The following ICAM2 variants were observed in gnomAD, a reference collection of about 807,000 sequenced individuals.
ICAM2 encodes the protein intercellular adhesion molecule 2.
A neutral mutation model predicts 19.1 loss-of-function variants in ICAM2; 14 were observed. That is an observed-to-expected ratio of 0.73 (90% CI 0.48 to 1.15). The LOEUF (loss-of-function observed/expected upper bound fraction) is 1.15. ICAM2 is among the 50% of genes most tolerant of loss of function. The pLI is 0.00. For synonymous variants in ICAM2, 153 were observed against 152.7 expected, an observed-to-expected ratio of 1.00 and a Z score of -0.01; for missense variants, 311 against 355.4, an observed-to-expected ratio of 0.88 and a Z score of 1.00.
intron 1 of ICAM2, 140 bp from the exon 2 acceptor site, chr17:64,006,875 C>T (rs1911237944): frequency 3.3e-6 from 2 of 608,410 alleles, no homozygotes; most frequent in Non-Finnish European, 5.9e-6. Flanking sequence ...GACCCCAGGC[C>T]TCTAAGAATC....
intron 1 of ICAM2, among the ~76,000 whole-genome samples, chr17:64,011,320 G>A (rs1466881290): frequency 2.6e-5 from 4 of 152,106 alleles, no homozygotes. Context: ...AAAGTAGCTG[G>A]GCGTAGTGGC....
chr17:64,013,565 A>G (rs924053481), intron 1 of ICAM2, among the ~76,000 whole-genome samples: 2 of 152,192 alleles, frequency 1.3e-5, no homozygotes, highest in Non-Finnish European at 2.9e-5. Flanking sequence ...TTTACAAGAG[A>G]CATACTTCAT....
Position 64,006,583 on chromosome 17 carries a change from C to T in ICAM2, c.61+48G>A, listed in dbSNP as rs771409505. ...CCACAGGGAACAGGGCACCCCCACC[C>T]TCTCGGCTGGCATGTGCCAAATCAG... On this transcript the variant is annotated intron_variant, in intron 2 of 4. Transcript: ENST00000579788. The T allele has an allele frequency of 3.2e-6, 5 of 1,561,804 alleles. No homozygotes were observed. In the African/African-American group the frequency reaches 4.1e-5, roughly 13 times the overall value.
chr17:64,016,784 T>C (rs1911734946), intron 1 of ICAM2, among the ~76,000 whole-genome samples: 1 of 152,182 alleles, frequency 6.6e-6, no homozygotes, highest in Non-Finnish European at 1.5e-5. Flanking sequence ...AAATAACCTA[T>C]CTGAATCTAA....
intron 1 of ICAM2, among the ~76,000 whole-genome samples, chr17:64,019,601 G>A (rs1221145613): frequency 6.6e-6 from 1 of 152,062 alleles, no homozygotes; most frequent in Non-Finnish European, 1.5e-5. Flanking sequence ...GGATCATGAG[G>A]TCAAGAGATC....
chr17:64,002,870 C>G lies in ICAM2; in HGVS notation c.705G>C (p.Leu235=). Reference sequence around the variant, plus strand: ...GCAGGACAGATGTCACGAACAGGGACAGCAACACCGACACCACCGTGACTA... The same window carrying G: ...GCAGGACAGATGTCACGAACAGGGAGAGCAACACCGACACCACCGTGACTA... ...VIIVTVVSVL[L]SLFVTSVLLC... Residue 235 remains leucine, a synonymous_variant, in exon 5 of 5, where the codon CTG becomes CTC. Coordinates refer to ENST00000579788, the MANE Select transcript of ICAM2 (RefSeq NM_001099789.2). 1.9e-6 allele frequency: 3 copies of G among 1,613,954 alleles called. No homozygotes were observed. The highest frequency in any genetic ancestry group is 2.5e-6 in the Non-Finnish European group (3 of 1,179,972).
chr17:64,009,673 C>T (rs900072312), intron 1 of ICAM2, among the ~76,000 whole-genome samples: 2 of 140,688 alleles, frequency 1.4e-5, no homozygotes, highest in Non-Finnish European at 3.1e-5. Flanking sequence ...TTGCAGCACA[C>T]TCAACATTAA....
intron 1 of ICAM2, among the ~76,000 whole-genome samples, chr17:64,009,403 T>C (rs1043045848): frequency 2.0e-5 from 3 of 151,788 alleles, no homozygotes; most frequent in Non-Finnish European, 4.4e-5. Context: ...AGGCCAATCA[T>C]GGTACCTTAC....
chr17:64,018,143 C>A (rs1159878303), intron 1 of ICAM2, among the ~76,000 whole-genome samples: 1 of 151,818 alleles, frequency 6.6e-6, no homozygotes, highest in Admixed American at 6.6e-5. Context: ...ACCATCCTGG[C>A]CAACATGGTG....
At chr17:64,009,335 T>G (rs1234500164) in intron 1 of ICAM2, among the ~76,000 whole-genome samples, 1 of 151,108 alleles carries the variant, frequency 6.6e-6, no homozygotes, top group Non-Finnish European at 1.5e-5. Flanking sequence ...ATCTTCCTCC[T>G]GCTACTGCTA....
intron 1 of ICAM2, among the ~76,000 whole-genome samples, chr17:64,010,287 C>G (rs1009160225): frequency 1.3e-5 from 2 of 152,170 alleles, no homozygotes; most frequent in African/African-American, 4.8e-5. Context: ...AGAAGAAACT[C>G]GGGGTCCTTC....
intron 2 of ICAM2, 40 bp from the exon 3 acceptor site, chr17:64,005,413 C>T (rs577505759): frequency 6.3e-7 from 1 of 1,594,088 alleles, no homozygotes; most frequent in Non-Finnish European, 8.6e-7. Flanking sequence ...GTCATCCCCC[C>T]ACCCCCTGCC....
intron 1 of ICAM2, among the ~76,000 whole-genome samples, chr17:64,014,650 A>G (rs1911625063): frequency 6.7e-6 from 1 of 148,776 alleles, no homozygotes; most frequent in South Asian, 2.1e-4. Context: ...AGAGAGAGAG[A>G]AAGAAAGGAA....
At chr17:64,014,429 AAGGAAGGAAGAG>A (rs1911600885) in intron 1 of ICAM2, among the ~76,000 whole-genome samples, 1 of 69,262 alleles carries the variant, frequency 1.4e-5, no homozygotes, top group Non-Finnish European at 4.1e-5. Flanking sequence ...GAAAGGAAGG[AAGGAAGGAAGAG>A]AGAGAGAGAG....
intron 4 of ICAM2, 53 bp from the exon 5 acceptor site, chr17:64,002,978 G>T: frequency 6.5e-7 from 1 of 1,545,484 alleles, no homozygotes; most frequent in Non-Finnish European, 8.8e-7. Context: ...CAGTTACCAG[G>T]GACCAAAAGG....
At chr17:64,012,238 G>T (rs1911483532) in intron 1 of ICAM2, among the ~76,000 whole-genome samples, 2 of 152,136 alleles carry the variant, frequency 1.3e-5, no homozygotes, top group African/African-American at 4.8e-5. Context: ...TGAGGCAGGA[G>T]GATTGATTGA....
Position 64,002,929 on chromosome 17 carries a change from G to A in ICAM2, c.650-4C>T. On this transcript the variant is annotated splice_polypyrimidine_tract_variant and splice_region_variant and intron_variant, in intron 4 of 4. Transcript: ENST00000579788. ...ATCTGGCTGTCCGACACAGGCTCTGGGGAGGGAGGGGGCAAGGGTCTTAGA... is the reference window on the plus strand; with the variant it reads ...ATCTGGCTGTCCGACACAGGCTCTGAGGAGGGAGGGGGCAAGGGTCTTAGA... 4.3e-6 allele frequency: 7 copies of A among 1,612,676 alleles called. No individual in the cohort carries two copies. The highest frequency in any genetic ancestry group is 5.9e-6 in the Non-Finnish European group (7 of 1,179,216).
chr17:64,006,815 C>T (rs1170706168), intron 1 of ICAM2, 80 bp from the exon 2 acceptor site: 2 of 818,532 alleles, frequency 2.4e-6, no homozygotes, highest in Non-Finnish European at 4.0e-6. Flanking sequence ...TGCATTTCCT[C>T]TCATTATCTG....
At chr17:64,007,410 G>A (rs1482214227) in intron 1 of ICAM2, among the ~76,000 whole-genome samples, 3 of 152,012 alleles carry the variant, frequency 2.0e-5, no homozygotes, top group Non-Finnish European at 4.4e-5. Flanking sequence ...TTACAGGATC[G>A]CGTCACCACA....
Sources: gnomAD v4.1 joint callset for allele counts (sites outside exome capture counted in the v4.1 genomes callset) on GRCh38, gnomAD v4.1.1 for gene constraint, MANE v1.5 for transcripts, NCBI Gene and HGNC (gene_info 2026-07-23, HGNC 2026-07-21) for gene names.